The following RAB3IL1 variants were observed in gnomAD, a reference collection of about 807,000 sequenced individuals.
RAB3IL1 encodes RAB3A interacting protein like 1.
In RAB3IL1, 37 loss-of-function variants were observed where a neutral mutation model predicts 49.2. The observed-to-expected ratio is 0.75, with a 90% CI of 0.58 to 0.99. The LOEUF (loss-of-function observed/expected upper bound fraction) is 0.99. RAB3IL1 is among the 50% of genes least tolerant of loss of function. The pLI is 0.00. For synonymous variants in RAB3IL1, 193 were observed against 213.9 expected, an observed-to-expected ratio of 0.90 and a Z score of 0.85; for missense variants, 484 against 513.0, an observed-to-expected ratio of 0.94 and a Z score of 0.55.
chr11:61,932,582 C>T, the RAB3IL1 span, among the ~76,000 whole-genome samples: 1 of 151,720 alleles, frequency 6.6e-6, no homozygotes, highest in African/African-American at 2.4e-5. Flanking sequence ...AAGGCCCTGC[C>T]CTATGAGGTT....
Position 61,902,669 on chromosome 11 carries a change from G to A in RAB3IL1, c.900-128C>T, listed in dbSNP as rs529887109. The A allele has an allele frequency of 2.0e-4, 168 of 822,070 alleles. 1 individual carries two copies. Among genetic ancestry groups the A allele is most frequent in the African/African-American group, 1.3e-3 (77 of 58,970 alleles). 50.9% of individuals were successfully genotyped at this position (822,070 alleles called of 1,614,324 possible). The stretch of plus-strand genomic sequence containing the variant: ...GGGGCAGGCCTCCCTTCCCCCACCC[G>A]GCTTCCAAAGGAACCCAGAGCCAGG... On this transcript the variant is annotated intron_variant, in intron 7 of 9. Coordinates refer to ENST00000394836, the MANE Select transcript of RAB3IL1 (RefSeq NM_013401.4).
At chr11:61,904,474 TC>T in intron 7 of RAB3IL1, 71 bp downstream of exon 7, 1 of 1,420,800 alleles carries the variant, frequency 7.0e-7, no homozygotes, top group Non-Finnish European at 9.7e-7. Flanking sequence ...TGACCACCCC[TC>T]GGCACAGTAA....
chr11:61,919,444 C>T (rs1232678395), upstream of RAB3IL1, among the ~76,000 whole-genome samples: 2 of 152,222 alleles, frequency 1.3e-5, no homozygotes, highest in Non-Finnish European at 2.9e-5. Context: ...CTCAGCTGAA[C>T]TTGCTCCTCA....
chr11:61,930,609 T>C, the RAB3IL1 span, among the ~76,000 whole-genome samples: 1 of 152,072 alleles, frequency 6.6e-6, no homozygotes, highest in Non-Finnish European at 1.5e-5. Context: ...GGAGACCCCA[T>C]CTCTACAAAA....
At chr11:61,904,969 G>A (rs1258915909) in intron 5 of RAB3IL1, 87 bp from the exon 6 acceptor site, 4 of 1,015,904 alleles carry the variant, frequency 3.9e-6, no homozygotes, top group Non-Finnish European at 5.8e-6. Flanking sequence ...GGGAGCGAGG[G>A]AGGACGTGGG....
At chr11:61,943,931 GTTTGT>G in the RAB3IL1 span, among the ~76,000 whole-genome samples, 14 of 152,252 alleles carry the variant, frequency 9.2e-5, no homozygotes, top group Middle Eastern at 3.4e-3. Flanking sequence ...TTGTTTGGGA[GTTTGT>G]TTTGTTTTGT....
At chr11:61,933,273 A>G in the RAB3IL1 span, among the ~76,000 whole-genome samples, 1 of 152,222 alleles carries the variant, frequency 6.6e-6, no homozygotes, top group Non-Finnish European at 1.5e-5. Context: ...TAGACCCTAA[A>G]TGCAATCACA....
chr11:61,907,963 G>A (rs1050972478), intron 2 of RAB3IL1, 91 bp downstream of exon 2: 6 of 1,510,384 alleles, frequency 4.0e-6, no homozygotes, highest in African/African-American at 2.8e-5. Context: ...CTCTCCCTTG[G>A]GCACATCTCT....
the RAB3IL1 span, among the ~76,000 whole-genome samples, chr11:61,942,292 T>A: frequency 1.5e-4 from 23 of 152,098 alleles, no homozygotes; most frequent in African/African-American, 5.6e-4. Context: ...CACTCCCTAA[T>A]CTCAAGTAAT....
At chr11:61,942,902 T>C in the RAB3IL1 span, among the ~76,000 whole-genome samples, 1 of 152,222 alleles carries the variant, frequency 6.6e-6, no homozygotes. Flanking sequence ...CCTATGTTCA[T>C]GGATTGGAAG....
At chr11:61,907,962 G>T in intron 2 of RAB3IL1, 92 bp downstream of exon 2, 1 of 1,506,538 alleles carries the variant, frequency 6.6e-7, no homozygotes. Context: ...CCTCTCCCTT[G>T]GGCACATCTC....
intron 1 of RAB3IL1, among the ~76,000 whole-genome samples, chr11:61,911,250 G>A (rs1444110274): frequency 1.3e-5 from 2 of 152,188 alleles, no homozygotes; most frequent in African/African-American, 2.4e-5. Flanking sequence ...AAGAAGTGTG[G>A]GAACATGGGA....
At chr11:61,904,720 T>A in intron 6 of RAB3IL1, 34 bp downstream of exon 6, 2 of 1,571,528 alleles carry the variant, frequency 1.3e-6, no homozygotes, top group Non-Finnish European at 1.7e-6. Flanking sequence ...GAGGGGTGTG[T>A]CCCCCAGCTG....
chr11:61,943,807 T>C, the RAB3IL1 span, among the ~76,000 whole-genome samples: 6 of 152,108 alleles, frequency 3.9e-5, no homozygotes, highest in African/African-American at 1.4e-4. Context: ...CATCAGTAAA[T>C]ATGTAAACAC....
upstream of RAB3IL1, among the ~76,000 whole-genome samples, chr11:61,924,961 G>A (rs1939972184): frequency 6.6e-6 from 1 of 152,204 alleles, no homozygotes; most frequent in Non-Finnish European, 1.5e-5. Flanking sequence ...CCTTCGGGGG[G>A]AAAACATGAC....
chr11:61,899,376 G>A lies in RAB3IL1; in HGVS notation c.1004C>T (p.Thr335Ile), dbSNP rs774375694. ...GTAGGTGAAGAAGTTGCACACTGCG[G>A]TGATCTGTGGGCAGAGGTGGGGACG... ...YISPSSRARI[T>I]AVCNFFTYIR... The change falls in exon 9 of 10, where the codon ACC becomes ATC. Residue 335 changes from threonine to isoleucine, a missense_variant. By Grantham distance (89) the Thr-to-Ile change is moderately conservative. Coordinates refer to ENST00000394836, the MANE Select transcript of RAB3IL1 (RefSeq NM_013401.4). 1.2e-6 allele frequency: 2 copies of A among 1,609,040 alleles called. No individual in the cohort carries two copies. The highest frequency in any genetic ancestry group is 1.7e-6 in the Non-Finnish European group (2 of 1,179,614).
At chr11:61,932,766 T>C in the RAB3IL1 span, among the ~76,000 whole-genome samples, 1 of 149,282 alleles carries the variant, frequency 6.7e-6, no homozygotes, top group South Asian at 2.1e-4. Context: ...GTAACTATAG[T>C]TCATTTTTTT....
At chr11:61,914,571 T>C (rs1033250703) in intron 1 of RAB3IL1, among the ~76,000 whole-genome samples, 6 of 152,116 alleles carry the variant, frequency 3.9e-5, no homozygotes, top group Non-Finnish European at 8.8e-5. Context: ...CAACCCAGTT[T>C]GGAGGGGCAC....
At chr11:61,899,613 G>A (rs539100234) in intron 8 of RAB3IL1, 1 of 528,804 alleles carries the variant, frequency 1.9e-6, no homozygotes, top group African/African-American at 1.9e-5. Flanking sequence ...AGCGAACGGA[G>A]CAGACGCGCT....
Sources: gnomAD v4.1 joint callset for allele counts (sites outside exome capture counted in the v4.1 genomes callset) on GRCh38, gnomAD v4.1.1 for gene constraint, MANE v1.5 for transcripts, NCBI Gene and HGNC (gene_info 2026-07-23, HGNC 2026-07-21) for gene names.